Variants in GPC6 observed in about 807,000 individuals in gnomAD.
The protein encoded by GPC6 is glypican 6, also known as glypican-6.
Under a neutral mutation model 55.2 loss-of-function variants are expected in GPC6, and 14 were observed. That is an observed-to-expected ratio of 0.25 (90% CI 0.17 to 0.40). The LOEUF (loss-of-function observed/expected upper bound fraction) is 0.40, where lower values mean the gene tolerates loss of function less well. GPC6 is among the 10% of genes least tolerant of loss of function. The pLI is 1.00. For synonymous variants in GPC6, 278 were observed against 259.6 expected (o/e 1.07, Z -0.68); for missense variants, 641 against 708.5 (o/e 0.90, Z 1.08).
intron 3 of GPC6, among the ~76,000 whole-genome samples, chr13:93,927,490 T>A (rs1877921246): frequency 1.3e-5 from 2 of 152,080 alleles, no homozygotes; most frequent in South Asian, 4.1e-4. Flanking sequence ...ACAGGACACG[T>A]TCCTATAGTG....
chr13:93,722,952 AC>A (rs1883501917), intron 2 of GPC6, among the ~76,000 whole-genome samples: 1 of 151,860 alleles, frequency 6.6e-6, no homozygotes, highest in Non-Finnish European at 1.5e-5. Context: ...GACCCCCATG[AC>A]CTCATCTTAA....
At chr13:94,054,764 A>G (rs1004088592) in intron 4 of GPC6, among the ~76,000 whole-genome samples, 2 of 152,168 alleles carry the variant, frequency 1.3e-5, no homozygotes, top group African/African-American at 2.4e-5. Context: ...GTGGGTTAGG[A>G]GACCTGTGGG....
intron 1 of GPC6, among the ~76,000 whole-genome samples, chr13:93,447,441 G>A (rs919141956): frequency 6.6e-6 from 1 of 152,018 alleles, no homozygotes; most frequent in Non-Finnish European, 1.5e-5. Context: ...GATTGGTTTG[G>A]CACATTAGAC....
intron 3 of GPC6, among the ~76,000 whole-genome samples, chr13:93,879,068 C>T (rs966846951): frequency 6.6e-6 from 1 of 152,048 alleles, no homozygotes; most frequent in Non-Finnish European, 1.5e-5. Context: ...TCCCTTCTCA[C>T]TTCATTTCAT....
chr13:93,283,316 G>T (rs1351215725), intron 1 of GPC6, among the ~76,000 whole-genome samples: 1 of 152,136 alleles, frequency 6.6e-6, no homozygotes, highest in Non-Finnish European at 1.5e-5. Context: ...AGGGGAAGTT[G>T]AAATTTTGCG....
intron 5 of GPC6, among the ~76,000 whole-genome samples, chr13:94,299,849 T>C (rs906517888): frequency 1.3e-5 from 2 of 152,160 alleles, no homozygotes; most frequent in African/African-American, 4.8e-5. Context: ...AAATATATGG[T>C]ATCCACACTA....
chr13:93,992,857 T>G (rs1008642310), intron 3 of GPC6, among the ~76,000 whole-genome samples: 2 of 152,206 alleles, frequency 1.3e-5, no homozygotes, highest in Admixed American at 6.5e-5. Context: ...AGGAAAATTA[T>G]AAGTGCTAGG....
chr13:93,448,100 A>C (rs9516234), intron 1 of GPC6, among the ~76,000 whole-genome samples: 90,684 of 151,900 alleles, frequency 0.6, 28,038 homozygotes, highest in Middle Eastern at 0.74. Context: ...TTAGTTATAA[A>C]CAACTTCCTT....
intron 1 of GPC6, among the ~76,000 whole-genome samples, chr13:93,358,638 C>T (rs1227525943): frequency 2.0e-5 from 3 of 152,190 alleles, no homozygotes; most frequent in Non-Finnish European, 4.4e-5. Flanking sequence ...AATATGCAGT[C>T]ATCAAATTTG....
At chr13:94,173,087 C>T (rs1406073234) in intron 4 of GPC6, among the ~76,000 whole-genome samples, 1 of 152,190 alleles carries the variant, frequency 6.6e-6, no homozygotes, top group Non-Finnish European at 1.5e-5. Context: ...AGGGATACTT[C>T]AGCTTCATTC....
chr13:93,851,456 G>T (rs924379077), intron 3 of GPC6, among the ~76,000 whole-genome samples: 1 of 151,860 alleles, frequency 6.6e-6, no homozygotes, highest in African/African-American at 2.4e-5. Context: ...CCATCTAACA[G>T]TCAGGGAAGA....
chr13:93,997,451 C>G (rs541685721), intron 3 of GPC6, among the ~76,000 whole-genome samples: 40 of 152,280 alleles, frequency 2.6e-4, no homozygotes, highest in African/African-American at 9.1e-4. Context: ...TCAGGGGAAA[C>G]TGAGGGCTGC....
intron 6 of GPC6, among the ~76,000 whole-genome samples, chr13:94,333,312 C>T (rs969439927): frequency 2.6e-5 from 4 of 152,184 alleles, no homozygotes; most frequent in African/African-American, 9.7e-5. Flanking sequence ...TCACTAATGG[C>T]CAGTGCTGTA....
intron 2 of GPC6, among the ~76,000 whole-genome samples, chr13:93,632,714 A>G (rs1050003199): frequency 3.3e-5 from 5 of 151,436 alleles, no homozygotes; most frequent in African/African-American, 1.2e-4. Context: ...ATTATGTACA[A>G]CGATAGACAC....
rs556723260 is a variant in GPC6 at position 94,179,806 on chromosome 13, T to C, written c.878-106543T>C. Among the ~76,000 whole-genome samples, 31 of 152,336 alleles carry C rather than the reference T, an allele frequency of 2.0e-4. No homozygotes were observed. In the South Asian group the frequency reaches 6.0e-3, roughly 29 times the overall value. On this transcript the variant is annotated intron_variant, in intron 4 of 8. Transcript: ENST00000377047. The stretch of plus-strand genomic sequence containing the variant: ...TCTCTTTTTTTCTATGTATTTTTCT[T>C]ACCTTCTAACCAGGTCACTACTTTT...
At chr13:94,118,462 A>G (rs1886511551) in intron 4 of GPC6, among the ~76,000 whole-genome samples, 1 of 152,156 alleles carries the variant, frequency 6.6e-6, no homozygotes, top group Admixed American at 6.6e-5. Flanking sequence ...TTATAGCAGC[A>G]TGAGAATGGA....
intron 6 of GPC6, among the ~76,000 whole-genome samples, chr13:94,374,036 T>G (rs1269428497): frequency 4.7e-5 from 7 of 150,264 alleles, no homozygotes; most frequent in South Asian, 4.3e-4. Context: ...TCACCACCAG[T>G]CCTGCCCTAA....
At chr13:93,904,357 C>A (rs1038572773) in intron 3 of GPC6, among the ~76,000 whole-genome samples, 7 of 152,110 alleles carry the variant, frequency 4.6e-5, no homozygotes, top group Admixed American at 6.5e-5. Context: ...GGAAGACATG[C>A]AGGTTACAAA....
intron 2 of GPC6, among the ~76,000 whole-genome samples, chr13:93,823,658 A>T (rs894612628): frequency 5.3e-5 from 8 of 152,192 alleles, no homozygotes; most frequent in Non-Finnish European, 1.2e-4. Context: ...ACGAAGACAA[A>T]TGGAAATGAT....
Sources: allele counts gnomAD v4.1 joint callset (sites outside exome capture counted in the v4.1 genomes callset), GRCh38; gene constraint gnomAD v4.1.1; transcripts MANE v1.5; gene names NCBI Gene and HGNC (gene_info 2026-07-23, HGNC 2026-07-21).